Variants in SPAG9 observed in about 807,000 individuals in gnomAD.
The protein encoded by SPAG9 is C-Jun-amino-terminal kinase-interacting protein 4.
A neutral mutation model predicts 166.5 loss-of-function variants in SPAG9; 35 were observed. The observed-to-expected ratio is 0.21, with a 90% CI of 0.16 to 0.28. The LOEUF is 0.28. Ranked by LOEUF, SPAG9 falls within the 10% of genes least tolerant of loss-of-function variation. The pLI is 1.00. For missense variants in SPAG9, 1,235 were observed against 1,603.3 expected (o/e 0.77, Z 3.92); for synonymous variants, 534 against 565.5 (o/e 0.94, Z 0.79).
chr17:50,985,132 C>G, intron 23 of SPAG9, 142 bp from the exon 24 acceptor site: 1 of 655,424 alleles, frequency 1.5e-6, no homozygotes, highest in Non-Finnish European at 2.7e-6. Flanking sequence ...ATGAACACAC[C>G]ACTTTCTTCA....
At chr17:50,977,506 G>A (rs1206672020) in intron 26 of SPAG9, among the ~76,000 whole-genome samples, 1 of 152,078 alleles carries the variant, frequency 6.6e-6, no homozygotes, top group Non-Finnish European at 1.5e-5. Context: ...TTAGTTAGAA[G>A]AAAAGTACAC....
At chr17:51,027,385 A>T (rs966797668) in intron 6 of SPAG9, among the ~76,000 whole-genome samples, 2 of 152,060 alleles carry the variant, frequency 1.3e-5, no homozygotes, top group Non-Finnish European at 2.9e-5. Flanking sequence ...CAGTGAGCCA[A>T]GATCATACCA....
intron 6 of SPAG9, among the ~76,000 whole-genome samples, chr17:51,029,409 T>G (rs1290172921): frequency 6.6e-6 from 1 of 152,146 alleles, no homozygotes; most frequent in African/African-American, 2.4e-5. Flanking sequence ...TGAAAGTTCC[T>G]AAAAACATTA....
chr17:50,970,165 A>G (rs1454247876), intron 29 of SPAG9, among the ~76,000 whole-genome samples: 1 of 152,212 alleles, frequency 6.6e-6, no homozygotes, highest in South Asian at 2.1e-4. Context: ...AAAACTTCAC[A>G]TTGACCACAT....
intron 9 of SPAG9, among the ~76,000 whole-genome samples, chr17:51,013,694 A>G (rs150030494): frequency 5.3e-5 from 8 of 152,346 alleles, no homozygotes; most frequent in African/African-American, 1.9e-4. Flanking sequence ...AGCCAAATGC[A>G]ATATTCTTTT....
chr17:51,051,047 A>C (rs1409913651), intron 3 of SPAG9, among the ~76,000 whole-genome samples: 3 of 150,048 alleles, frequency 2.0e-5, no homozygotes, highest in Non-Finnish European at 4.4e-5. Context: ...AAAAAAACAA[A>C]AAGAAAAAGA....
rs150870933 is a variant in SPAG9 at position 50,978,928 on chromosome 17, T to G, written c.3409+818A>C. Among the ~76,000 whole-genome samples, 142 of 152,250 alleles carry G rather than the reference T, an allele frequency of 9.3e-4. 1 individual carries two copies. The highest frequency in any genetic ancestry group is 3.4e-3 in the Middle Eastern group (1 of 294). On this transcript the variant is annotated intron_variant, in intron 26 of 29. Coordinates refer to ENST00000262013, the MANE Select transcript of SPAG9 (RefSeq NM_001130528.3). ...ACTGGGGTGGCAACAGGGAGCCCAG[T>G]TAGGAGGCCTGGGGGTAAAAGGATA...
chr17:51,054,260 G>A (rs1158762168), intron 3 of SPAG9, among the ~76,000 whole-genome samples: 1 of 150,852 alleles, frequency 6.6e-6, no homozygotes, highest in Non-Finnish European at 1.5e-5. Flanking sequence ...GGGACTAAAG[G>A]TGCAGGCCAC....
chr17:50,967,137 A>G (rs1973415764), intron 29 of SPAG9, among the ~76,000 whole-genome samples: 1 of 152,176 alleles, frequency 6.6e-6, no homozygotes. Flanking sequence ...TCCTCTCCAT[A>G]AGACCCAGTG....
chr17:50,984,559 C>T (rs908674713), intron 24 of SPAG9, among the ~76,000 whole-genome samples: 3 of 152,058 alleles, frequency 2.0e-5, no homozygotes, highest in South Asian at 2.1e-4. Flanking sequence ...TGGTGGCAGG[C>T]GCCTGTAGTC....
intron 1 of SPAG9, among the ~76,000 whole-genome samples, chr17:51,099,165 G>A (rs1239114897): frequency 2.6e-5 from 4 of 151,566 alleles, no homozygotes; most frequent in African/African-American, 9.7e-5. Flanking sequence ...CAGGCGTGGT[G>A]GCTCACGCCT....
Position 51,091,881 on chromosome 17 carries a change from T to A in SPAG9, c.304-12177A>T, listed in dbSNP as rs150343277. 8.5e-4 allele frequency among the ~76,000 whole-genome samples: 128 copies of A among 151,478 alleles called. 1 individual carries two copies. Among genetic ancestry groups the A allele is most frequent in the Middle Eastern group, 3.4e-3 (1 of 292 alleles). On this transcript the variant is annotated intron_variant, in intron 1 of 29. Transcript: ENST00000262013. The stretch of plus-strand genomic sequence containing the variant: ...GATCTAAAAAGAGTAAGCTTTGTGA[T>A]GAAGCAAAATGCTTTTAAGTCCAGA...
intron 1 of SPAG9, among the ~76,000 whole-genome samples, chr17:51,086,124 C>T (rs757881338): frequency 2.6e-5 from 4 of 151,696 alleles, no homozygotes; most frequent in Non-Finnish European, 5.9e-5. Context: ...CTGAATCAGG[C>T]ATGCATCACC....
At chr17:50,981,483 A>AAGAT (rs71353692) in intron 25 of SPAG9, among the ~76,000 whole-genome samples, 18,516 of 143,760 alleles carry the variant, frequency 0.13, 1,259 homozygotes, top group Middle Eastern at 0.15. Flanking sequence ...TACACAGATA[A>AAGAT]AGATAGATAG....
intron 1 of SPAG9, among the ~76,000 whole-genome samples, chr17:51,092,553 T>G (rs750579898): frequency 2.4e-4 from 36 of 152,062 alleles, no homozygotes; most frequent in Admixed American, 9.2e-4. Flanking sequence ...GTGGTTATAT[T>G]TGTTAAACAG....
intron 3 of SPAG9, among the ~76,000 whole-genome samples, chr17:51,054,772 T>C (rs908943631): frequency 2.0e-5 from 3 of 152,108 alleles, no homozygotes; most frequent in Admixed American, 6.6e-5. Flanking sequence ...AAAGCTGCTG[T>C]ATAACCTGCT....
chr17:51,099,472 T>C (rs1243574804), intron 1 of SPAG9, among the ~76,000 whole-genome samples: 1 of 139,578 alleles, frequency 7.2e-6, no homozygotes, highest in Non-Finnish European at 1.6e-5. Flanking sequence ...TACAGTGAAA[T>C]AGTAGTATGT....
intron 1 of SPAG9, among the ~76,000 whole-genome samples, chr17:51,112,843 C>T (rs530738605): frequency 1.5e-4 from 23 of 151,282 alleles, no homozygotes; most frequent in Middle Eastern, 3.4e-3. Flanking sequence ...GGCATGGTGG[C>T]GCATGCCTGT....
At chr17:51,051,195 C>T (rs2047173812) in intron 3 of SPAG9, among the ~76,000 whole-genome samples, 1 of 152,068 alleles carries the variant, frequency 6.6e-6, no homozygotes. Context: ...CTGCAACCTC[C>T]ACCTCCTGGT....
Sources: allele counts gnomAD v4.1 joint callset (sites outside exome capture counted in the v4.1 genomes callset), GRCh38; gene constraint gnomAD v4.1.1; transcripts MANE v1.5; gene names NCBI Gene and HGNC (gene_info 2026-07-23, HGNC 2026-07-21).